Variants in DISC1 observed in about 807,000 individuals in gnomAD.
DISC1 encodes disrupted in schizophrenia 1 protein.
DISC1 carries 57 observed loss-of-function variants against 84.5 expected under a neutral mutation model. The observed-to-expected ratio is 0.67, with a 90% CI of 0.55 to 0.84. DISC1 has a LOEUF of 0.84. Ranked by LOEUF, DISC1 falls within the 40% of genes least tolerant of loss-of-function variation. DISC1 has a pLI of 0.00. For synonymous variants in DISC1, 411 were observed against 415.2 expected (o/e 0.99, Z 0.12); for missense variants, 1,000 against 1,057.8 (o/e 0.95, Z 0.76).
At chr1:231,757,724 T>C (rs1558489348) in intron 4 of DISC1, among the ~76,000 whole-genome samples, 1 of 152,136 alleles carries the variant, frequency 6.6e-6, no homozygotes, top group Non-Finnish European at 1.5e-5. Flanking sequence ...CCACAACAAA[T>C]GGTATATGCT....
intron 12 of DISC1, among the ~76,000 whole-genome samples, chr1:232,026,762 C>CTTTTTTTTTTTTTTTTTT (rs545455868): frequency 2.7e-5 from 3 of 110,876 alleles, no homozygotes; most frequent in Non-Finnish European, 5.4e-5. Flanking sequence ...TTTCTTTTTT[C>CTTTTTTTTTTTTTTTTTT]TTTTTTTTTT....
intron 11 of DISC1, among the ~76,000 whole-genome samples, chr1:232,015,010 C>T (rs1274258807): frequency 3.9e-5 from 6 of 152,190 alleles, no homozygotes; most frequent in Non-Finnish European, 5.9e-5. Context: ...AACAGAACTG[C>T]GCAGGCTTAC....
At chr1:231,662,782 A>C (rs537419444) in intron 1 of DISC1, among the ~76,000 whole-genome samples, 3 of 152,216 alleles carry the variant, frequency 2.0e-5, no homozygotes, top group Non-Finnish European at 4.4e-5. Flanking sequence ...CATGGTAGCC[A>C]CAAAGAAAAT....
chr1:231,992,521 A>C (rs1297606226), intron 10 of DISC1, among the ~76,000 whole-genome samples: 1 of 152,120 alleles, frequency 6.6e-6, no homozygotes, highest in Middle Eastern at 3.2e-3. Context: ...TATGGGTCTA[A>C]ATTTTTCACT....
intron 4 of DISC1, among the ~76,000 whole-genome samples, chr1:231,764,411 T>C (rs1003746230): frequency 1.3e-5 from 2 of 152,226 alleles, no homozygotes; most frequent in Non-Finnish European, 2.9e-5. Flanking sequence ...TGGAAAGAAA[T>C]GATTCCACCA....
intron 10 of DISC1, among the ~76,000 whole-genome samples, chr1:231,982,348 C>T (rs546786865): frequency 6.6e-6 from 1 of 152,042 alleles, no homozygotes; most frequent in African/African-American, 2.4e-5. Context: ...TTCCTCCTTA[C>T]CTTTCTCCTT....
At chr1:231,971,561 C>G (rs1412062874) in intron 10 of DISC1, among the ~76,000 whole-genome samples, 1 of 152,210 alleles carries the variant, frequency 6.6e-6, no homozygotes, top group Admixed American at 6.5e-5. Context: ...CCCTTCCTCT[C>G]CAGCCACCCT....
chr1:231,879,090 A>ATTT (rs547628120), intron 9 of DISC1, among the ~76,000 whole-genome samples: 1 of 138,410 alleles, frequency 7.2e-6, no homozygotes. Flanking sequence ...AGTGTTTCCG[A>ATTT]TTTTTTTTTT....
chr1:231,717,260 A>T (rs1341775496), intron 3 of DISC1, among the ~76,000 whole-genome samples: 1 of 152,214 alleles, frequency 6.6e-6, no homozygotes, highest in Admixed American at 6.5e-5. Context: ...TATGGTATAT[A>T]AATATTTGAA....
Position 231,784,383 on chromosome 1 carries a change from C to T in DISC1, c.1635-10859C>T, listed in dbSNP as rs112155552. ...GCATCCTAGTGGAAGACACAGTATC[C>T]TTGAAATTCAGAGAAATAGGGAGAA... On this transcript the variant is annotated intron_variant, in intron 6 of 12. Coordinates refer to ENST00000439617, the MANE Select transcript of DISC1 (RefSeq NM_018662.3). Among the ~76,000 whole-genome samples the T allele has an allele frequency of 3.0e-3, 460 of 152,214 alleles. 4 individuals carry two copies. The highest frequency in any genetic ancestry group is 0.01 in the African/African-American group (436 of 41,528).
chr1:231,800,777 A>G (rs190083101), intron 8 of DISC1, among the ~76,000 whole-genome samples: 1 of 152,078 alleles, frequency 6.6e-6, no homozygotes, highest in Non-Finnish European at 1.5e-5. Flanking sequence ...CACAATTGCT[A>G]TATTAGGTAG....
intron 3 of DISC1, among the ~76,000 whole-genome samples, chr1:231,716,263 T>C (rs1360728541): frequency 1.3e-5 from 2 of 151,274 alleles, no homozygotes; most frequent in Non-Finnish European, 2.9e-5. Context: ...TGGCTTCTTT[T>C]CTGTTTGGCA....
rs1658996358 is a variant in DISC1 at position 231,954,236 on chromosome 1, C to T, written c.1982-4592C>T. ...AGTGTTAAAGAGGCTGGTCCCACAG[C>T]TATCTCTGTGTCCCTGGAAGCCGTG... On this transcript the variant is annotated intron_variant, in intron 9 of 12. Transcript: ENST00000439617. The surrounding 1 kb of genome is among the most constrained non-coding windows in gnomAD (Gnocchi z 4.8). Among the ~76,000 whole-genome samples the T allele has an allele frequency of 6.6e-6, 1 of 152,158 alleles. No homozygotes were observed. The highest frequency in any genetic ancestry group is 2.1e-4 in the South Asian group (1 of 4,824).
chr1:231,656,354 A>G (rs137874135), intron 1 of DISC1, among the ~76,000 whole-genome samples: 11 of 152,148 alleles, frequency 7.2e-5, no homozygotes, highest in Non-Finnish European at 1.3e-4. Flanking sequence ...CCTTTCTTCA[A>G]TTTATGTTTG....
intron 3 of DISC1, among the ~76,000 whole-genome samples, chr1:231,734,585 G>C (rs1348027880): frequency 6.6e-6 from 1 of 152,102 alleles, no homozygotes; most frequent in Admixed American, 6.5e-5. Context: ...CCTGGTGTAA[G>C]TACTTTTTCT....
At chr1:232,008,666 A>G in intron 10 of DISC1, 119 bp from the exon 11 acceptor site, 8 of 1,212,442 alleles carry the variant, frequency 6.6e-6, no homozygotes, top group Non-Finnish European at 9.0e-6. Context: ...TCACTGTGAA[A>G]TTAAGTCATC....
chr1:231,736,077 G>T (rs1470372272), intron 3 of DISC1, among the ~76,000 whole-genome samples: 1 of 152,198 alleles, frequency 6.6e-6, no homozygotes, highest in Non-Finnish European at 1.5e-5. Flanking sequence ...GCCTCTCAAA[G>T]TGCTAGGATT....
At chr1:231,751,174 A>G (rs1466762637) in intron 4 of DISC1, among the ~76,000 whole-genome samples, 1 of 152,156 alleles carries the variant, frequency 6.6e-6, no homozygotes. Context: ...TCATTGCAAC[A>G]TTGCGTGTTC....
At chr1:231,859,399 G>A (rs1476999381) in intron 9 of DISC1, among the ~76,000 whole-genome samples, 1 of 152,156 alleles carries the variant, frequency 6.6e-6, no homozygotes, top group Non-Finnish European at 1.5e-5. Flanking sequence ...TCTGGTGAGG[G>A]CCTGTTTCCA....
Sources: allele counts gnomAD v4.1 joint callset (sites outside exome capture counted in the v4.1 genomes callset), GRCh38; gene constraint gnomAD v4.1.1; non-coding constraint Gnocchi (gnomAD v3.1); transcripts MANE v1.5; gene names NCBI Gene and HGNC (gene_info 2026-07-23, HGNC 2026-07-21).